The following NTM variants were observed in gnomAD, a reference collection of about 807,000 sequenced individuals.
NTM encodes the protein IgLON family member 2.
NTM carries 13 observed loss-of-function variants against 42.1 expected under a neutral mutation model. The ratio of observed to expected loss-of-function variants is 0.31; its 90% CI spans 0.20 to 0.49. The LOEUF is 0.49. Ranked by LOEUF, NTM falls within the 20% of genes least tolerant of loss-of-function variation. The probability of loss-of-function intolerance (pLI) is 0.99; values close to 1 mark genes in which losing one functional copy is unlikely to be tolerated. For synonymous variants in NTM, 187 were observed against 179.2 expected, an observed-to-expected ratio of 1.04 and a Z score of -0.35; for missense variants, 373 against 452.8, an observed-to-expected ratio of 0.82 and a Z score of 1.60.
At chr11:131,604,714 C>T (rs4526779) in intron 1 of NTM, among the ~76,000 whole-genome samples, 15 of 111,614 alleles carry the variant, frequency 1.3e-4, no homozygotes, top group African/African-American at 2.3e-4. Context: ...TTTTTTCTTT[C>T]CTTTTTTTGG....
intron 1 of NTM, among the ~76,000 whole-genome samples, chr11:131,464,035 A>G (rs1324991728): frequency 1.3e-5 from 2 of 152,226 alleles, no homozygotes; most frequent in Non-Finnish European, 2.9e-5. Flanking sequence ...TTGGCTTTCT[A>G]GGCAGTTTCC....
At chr11:131,709,198 A>T (rs2076875222) in intron 1 of NTM, among the ~76,000 whole-genome samples, 3 of 152,034 alleles carry the variant, frequency 2.0e-5, no homozygotes, top group African/African-American at 7.2e-5. Flanking sequence ...GAAGAGAGGT[A>T]ACTACCTAAG....
intron 4 of NTM, among the ~76,000 whole-genome samples, chr11:132,286,151 G>A (rs2094221406): frequency 6.6e-6 from 1 of 152,162 alleles, no homozygotes; most frequent in African/African-American, 2.4e-5. Flanking sequence ...TTTACAGAAT[G>A]CATCCATATA....
At position 132,186,940 on chromosome 11, in the gene NTM, G is replaced by GA. The variant is rs796805734; in HGVS notation, c.401-25081dup. On this transcript the variant is annotated intron_variant, in intron 3 of 8. Transcript: ENST00000683400. ...GAGTGCCCCCATGCTCACACTTTCA[G>GA]AGGGGGTTTGTGGCAGCCATAGCTC... Among the ~76,000 whole-genome samples the GA allele has an allele frequency of 1.3e-4, 20 of 152,086 alleles. 1 individual carries two copies. The highest frequency in any genetic ancestry group is 4.6e-4 in the African/African-American group (19 of 41,376).
intron 4 of NTM, among the ~76,000 whole-genome samples, chr11:132,229,446 C>T (rs552896337): frequency 7.9e-5 from 12 of 152,210 alleles, no homozygotes; most frequent in Admixed American, 6.5e-4. Flanking sequence ...TTACTGAAGG[C>T]GTTACTAAAT....
chr11:132,031,873 G>C (rs1040052070), intron 2 of NTM, among the ~76,000 whole-genome samples: 1 of 152,090 alleles, frequency 6.6e-6, no homozygotes, highest in Admixed American at 6.5e-5. Context: ...AAATCTTCTT[G>C]TTCTCATCTA....
intron 1 of NTM, among the ~76,000 whole-genome samples, chr11:131,589,381 T>C (rs1188964800): frequency 6.6e-6 from 1 of 152,144 alleles, no homozygotes; most frequent in Non-Finnish European, 1.5e-5. Context: ...CTCCCAGCAC[T>C]AGCATTCTGG....
intron 1 of NTM, among the ~76,000 whole-genome samples, chr11:131,713,237 C>T (rs373970355): frequency 2.8e-4 from 42 of 152,176 alleles, no homozygotes; most frequent in East Asian, 2.5e-3. Context: ...TAAATATAAA[C>T]GACACAATGC....
At chr11:131,513,691 G>A (rs1451921257) in intron 1 of NTM, among the ~76,000 whole-genome samples, 2 of 152,208 alleles carry the variant, frequency 1.3e-5, no homozygotes, top group African/African-American at 4.8e-5. Flanking sequence ...TTAGCAGTGT[G>A]ATAATATTGA....
At chr11:131,647,913 C>T (rs1477228855) in intron 1 of NTM, among the ~76,000 whole-genome samples, 1 of 152,074 alleles carries the variant, frequency 6.6e-6, no homozygotes, top group East Asian at 1.9e-4. Flanking sequence ...TAGGTAAACT[C>T]GTGTCATGGG....
intron 1 of NTM, among the ~76,000 whole-genome samples, chr11:131,503,688 A>G (rs2047121983): frequency 7.4e-6 from 1 of 135,086 alleles, no homozygotes. Flanking sequence ...ATGCCTGGCT[A>G]ATTGTTTCTC....
At chr11:132,147,937 T>C (rs1351755670) in intron 3 of NTM, among the ~76,000 whole-genome samples, 1 of 152,096 alleles carries the variant, frequency 6.6e-6, no homozygotes, top group Non-Finnish European at 1.5e-5. Context: ...ACTTGGGTCG[T>C]GATCAGCACT....
chr11:132,048,331 T>C (rs1052945888), intron 2 of NTM, among the ~76,000 whole-genome samples: 3 of 152,154 alleles, frequency 2.0e-5, no homozygotes, highest in African/African-American at 7.2e-5. Context: ...GATTATATTT[T>C]GTAGTTTGTA....
chr11:131,817,573 T>C (rs1363525752), intron 1 of NTM, among the ~76,000 whole-genome samples: 1 of 152,220 alleles, frequency 6.6e-6, no homozygotes, highest in Non-Finnish European at 1.5e-5. Flanking sequence ...TTCATGTTTA[T>C]TGGTGGCGGG....
At chr11:131,523,251 C>A (rs1411197939) in intron 1 of NTM, among the ~76,000 whole-genome samples, 6 of 152,146 alleles carry the variant, frequency 3.9e-5, no homozygotes, top group Non-Finnish European at 8.8e-5. Flanking sequence ...ACTCCTAGGA[C>A]ATTAGCTGAC....
intron 1 of NTM, among the ~76,000 whole-genome samples, chr11:131,373,894 G>A (rs1565438333): frequency 6.6e-6 from 1 of 152,206 alleles, no homozygotes; most frequent in African/African-American, 2.4e-5. Flanking sequence ...AAGGTGCCTC[G>A]GCAAAGTTCA....
At chr11:131,925,393 T>C (rs1479524326) in intron 2 of NTM, among the ~76,000 whole-genome samples, 4 of 147,934 alleles carry the variant, frequency 2.7e-5, no homozygotes, top group Admixed American at 2.7e-4. Context: ...CTTTTTTTTT[T>C]TTTTTTTTTT....
chr11:132,255,597 C>T (rs567488741), intron 4 of NTM, among the ~76,000 whole-genome samples: 2 of 152,290 alleles, frequency 1.3e-5, no homozygotes, highest in South Asian at 2.1e-4. Flanking sequence ...GAAGGGGGTG[C>T]GGAGTGGGTG....
intron 1 of NTM, among the ~76,000 whole-genome samples, chr11:131,503,180 T>C (rs1397743161): frequency 6.6e-6 from 1 of 152,072 alleles, no homozygotes; most frequent in Non-Finnish European, 1.5e-5. Context: ...CCGTTGATGA[T>C]GAGGGTACAA....
Sources: allele counts gnomAD v4.1 joint callset (sites outside exome capture counted in the v4.1 genomes callset), GRCh38; gene constraint gnomAD v4.1.1; transcripts MANE v1.5; gene names NCBI Gene and HGNC (gene_info 2026-07-23, HGNC 2026-07-21).